LRRTM4: variants seen among roughly 807,000 people sequenced by gnomAD.
LRRTM4 encodes the protein leucine-rich repeat transmembrane neuronal protein 4.
A neutral mutation model predicts 47.6 loss-of-function variants in LRRTM4; 25 were observed. That is an observed-to-expected ratio of 0.53 (90% CI 0.38 to 0.73). LRRTM4 has a LOEUF of 0.73. LRRTM4 is among the 30% of genes least tolerant of loss of function. The probability of loss-of-function intolerance (pLI) is 0.00; values close to 1 mark genes in which losing one functional copy is unlikely to be tolerated. For missense variants in LRRTM4, 638 were observed against 713.4 expected (o/e 0.89, Z 1.20); for synonymous variants, 311 against 269.5 (o/e 1.15, Z -1.51).
chr2:77,016,877 C>CT lies in LRRTM4; in HGVS notation c.1552-267962dup, dbSNP rs199920496. Among the ~76,000 whole-genome samples, 126 of 144,998 alleles carry CT rather than the reference C, an allele frequency of 8.7e-4. 1 individual carries two copies. Among genetic ancestry groups the CT allele is most frequent in the Middle Eastern group, 3.5e-3 (1 of 282 alleles). Reference sequence around the variant, plus strand: ...GATATTTGAAATGATACTTTATTGACTTTTTTTTTTTTAATAAGGGAGACA... The same window carrying CT: ...GATATTTGAAATGATACTTTATTGACTTTTTTTTTTTTTAATAAGGGAGACA... On this transcript the variant is annotated intron_variant, in intron 3 of 3. Coordinates refer to ENST00000409884, the MANE Select transcript of LRRTM4 (RefSeq NM_001134745.3).
chr2:76,991,759 G>A (rs1677017963), intron 3 of LRRTM4, among the ~76,000 whole-genome samples: 1 of 151,672 alleles, frequency 6.6e-6, no homozygotes, highest in African/African-American at 2.4e-5. Context: ...ATATCAAAGA[G>A]GAGGGCTCCT....
At chr2:76,789,294 T>C (rs1674844358) in intron 3 of LRRTM4, among the ~76,000 whole-genome samples, 1 of 152,090 alleles carries the variant, frequency 6.6e-6, no homozygotes, top group Non-Finnish European at 1.5e-5. Flanking sequence ...AATGGCCAAG[T>C]AGGTGATATT....
intron 3 of LRRTM4, among the ~76,000 whole-genome samples, chr2:76,764,557 G>C (rs1260209193): frequency 2.6e-5 from 4 of 152,182 alleles, no homozygotes; most frequent in Non-Finnish European, 5.9e-5. Flanking sequence ...CATGAACCCG[G>C]GAGGCGGAGC....
intron 3 of LRRTM4, among the ~76,000 whole-genome samples, chr2:76,936,780 C>T (rs1396028091): frequency 6.7e-6 from 1 of 149,780 alleles, no homozygotes; most frequent in African/African-American, 2.4e-5. Context: ...ATGGTGAATC[C>T]CCATTTCTAC....
intron 3 of LRRTM4, among the ~76,000 whole-genome samples, chr2:76,755,930 C>T (rs1268070279): frequency 1.3e-5 from 2 of 152,068 alleles, no homozygotes; most frequent in East Asian, 3.9e-4. Context: ...GTCAGACATG[C>T]CTCATTATAC....
chr2:77,176,986 C>T (rs1837425), intron 3 of LRRTM4, among the ~76,000 whole-genome samples: 17,175 of 152,082 alleles, frequency 0.11, 2,608 homozygotes, highest in African/African-American at 0.35. Flanking sequence ...GAAATTATCA[C>T]ATATGGTCTG....
intron 3 of LRRTM4, among the ~76,000 whole-genome samples, chr2:77,125,936 GTA>G (rs764932030): frequency 8.7e-5 from 13 of 148,784 alleles, no homozygotes; most frequent in Admixed American, 2.0e-4. Context: ...CTATGTATGT[GTA>G]TATATATATA....
At chr2:76,838,033 A>G (rs945499546) in intron 3 of LRRTM4, among the ~76,000 whole-genome samples, 195 of 151,910 alleles carry the variant, frequency 1.3e-3, no homozygotes, top group South Asian at 2.7e-3. Context: ...ACATGTATAC[A>G]TATGTAACTA....
At chr2:77,382,835 C>T (rs1331185558) in intron 3 of LRRTM4, among the ~76,000 whole-genome samples, 3 of 152,002 alleles carry the variant, frequency 2.0e-5, no homozygotes, top group Non-Finnish European at 2.9e-5. Flanking sequence ...TGAAATCTAA[C>T]CTGAAAATGG....
At chr2:77,183,621 T>C (rs925260235) in intron 3 of LRRTM4, among the ~76,000 whole-genome samples, 17 of 152,174 alleles carry the variant, frequency 1.1e-4, no homozygotes, top group Admixed American at 5.9e-4. Flanking sequence ...GCTATAAAGA[T>C]ACATGCACAC....
intron 3 of LRRTM4, among the ~76,000 whole-genome samples, chr2:77,139,769 A>G: frequency 6.6e-6 from 1 of 152,206 alleles, no homozygotes; most frequent in East Asian, 1.9e-4. Flanking sequence ...AAGCAACTTC[A>G]GCAAAGTCTC....
chr2:77,361,299 A>T (rs12475352), intron 3 of LRRTM4, among the ~76,000 whole-genome samples: 67,465 of 151,310 alleles, frequency 0.45, 15,227 homozygotes, highest in East Asian at 0.65. Context: ...GTAAAAGAAA[A>T]CAAACTCTGT....
chr2:76,865,916 G>C (rs1421605242), intron 3 of LRRTM4, among the ~76,000 whole-genome samples: 1 of 152,022 alleles, frequency 6.6e-6, no homozygotes, highest in African/African-American at 2.4e-5. Context: ...TATGAAAAAT[G>C]TTTTGACTAT....
At chr2:77,342,067 G>C (rs1671391419) in intron 3 of LRRTM4, among the ~76,000 whole-genome samples, 1 of 151,904 alleles carries the variant, frequency 6.6e-6, no homozygotes, top group Non-Finnish European at 1.5e-5. Flanking sequence ...CAATTTCTCA[G>C]AGCCTTTTGC....
chr2:76,792,833 C>T (rs1410934345), intron 3 of LRRTM4, among the ~76,000 whole-genome samples: 2 of 152,160 alleles, frequency 1.3e-5, no homozygotes, highest in Admixed American at 6.5e-5. Flanking sequence ...GGCTTGGAAG[C>T]ACATTCAAAG....
intron 3 of LRRTM4, among the ~76,000 whole-genome samples, chr2:76,797,859 G>C: frequency 6.6e-6 from 1 of 151,712 alleles, no homozygotes; most frequent in East Asian, 1.9e-4. Flanking sequence ...AAGATCAAAA[G>C]AGACAGTGAA....
chr2:77,296,442 A>T (rs1167068205), intron 3 of LRRTM4, among the ~76,000 whole-genome samples: 1 of 152,166 alleles, frequency 6.6e-6, no homozygotes, highest in Non-Finnish European at 1.5e-5. Context: ...GACATATTAC[A>T]GCATTTTTCT....
intron 3 of LRRTM4, among the ~76,000 whole-genome samples, chr2:77,117,752 G>T (rs1671425679): frequency 6.6e-6 from 1 of 151,778 alleles, no homozygotes; most frequent in Admixed American, 6.6e-5. Flanking sequence ...GCTTTTTATG[G>T]TTTATTTTTA....
intron 3 of LRRTM4, among the ~76,000 whole-genome samples, chr2:76,793,772 G>C (rs1675106051): frequency 1.3e-5 from 2 of 152,140 alleles, no homozygotes; most frequent in Admixed American, 1.3e-4. Flanking sequence ...ACAGTGAATT[G>C]AGATCCAGGA....
Sources: gnomAD v4.1 joint callset for allele counts (sites outside exome capture counted in the v4.1 genomes callset) on GRCh38, gnomAD v4.1.1 for gene constraint, MANE v1.5 for transcripts, NCBI Gene and HGNC (gene_info 2026-07-23, HGNC 2026-07-21) for gene names.